The following EPB41L3 variants were observed in gnomAD, a reference collection of about 807,000 sequenced individuals.
EPB41L3 encodes erythrocyte membrane protein band 4.1 like 3.
Under a neutral mutation model 127.1 loss-of-function variants are expected in EPB41L3, and 57 were observed. The observed-to-expected ratio is 0.45, with a 90% CI of 0.36 to 0.56. The LOEUF (loss-of-function observed/expected upper bound fraction) is 0.56, where lower values mean the gene tolerates loss of function less well. Ranked by LOEUF, EPB41L3 falls within the 20% of genes least tolerant of loss-of-function variation. EPB41L3 has a pLI of 0.00. For synonymous variants in EPB41L3, 572 were observed against 549.5 expected (o/e 1.04, Z -0.57); for missense variants, 1,273 against 1,372.2 (o/e 0.93, Z 1.14).
In EPB41L3 at chr18:5,396,744, A is replaced by G. The variant is rs536147726; in HGVS notation, c.2841+314T>C. Among the ~76,000 whole-genome samples the G allele has an allele frequency of 2.6e-5, 4 of 152,324 alleles. No individual in the cohort carries two copies. In the South Asian group the frequency reaches 8.3e-4, roughly 32 times the overall value. Reference sequence around the variant, plus strand: ...TGCACTGATAAGAAATAAATGTATCACATTTTCTAATATCTTGGCCAACTT... The same window carrying G: ...TGCACTGATAAGAAATAAATGTATCGCATTTTCTAATATCTTGGCCAACTT... On this transcript the variant is annotated intron_variant, in intron 18 of 22. Transcript: ENST00000341928.
intron 11 of EPB41L3, 121 bp from the exon 12 acceptor site, chr18:5,419,998 C>T (rs2077272076): frequency 1.3e-6 from 2 of 1,535,266 alleles, no homozygotes; most frequent in African/African-American, 1.4e-5. Context: ...ATGAACAATA[C>T]CAACTATATC....
chr18:5,441,567 G>C (rs866563951), intron 5 of EPB41L3, among the ~76,000 whole-genome samples: 1 of 150,774 alleles, frequency 6.6e-6, no homozygotes, highest in Non-Finnish European at 1.5e-5. Context: ...CCGGGTTCAC[G>C]CCATTCTCCT....
intron 1 of EPB41L3, among the ~76,000 whole-genome samples, chr18:5,495,966 C>T (rs1254469716): frequency 3.9e-5 from 6 of 152,182 alleles, no homozygotes; most frequent in South Asian, 2.1e-4. Context: ...GGCAGGCAGC[C>T]GCCAGCCCTG....
At chr18:5,451,915 T>G (rs2146638331) in intron 3 of EPB41L3, among the ~76,000 whole-genome samples, 1 of 152,304 alleles carries the variant, frequency 6.6e-6, no homozygotes, top group Non-Finnish European at 1.5e-5. Context: ...CTCGGCTCAC[T>G]GCAACCTCTG....
At chr18:5,621,121 G>T (rs1378405447) in intron 1 of EPB41L3, among the ~76,000 whole-genome samples, 2 of 152,172 alleles carry the variant, frequency 1.3e-5, no homozygotes. Flanking sequence ...CAGTCCTAGT[G>T]ACTCTCTGCT....
upstream of EPB41L3, among the ~76,000 whole-genome samples, chr18:5,548,441 A>G (rs2093916603): frequency 6.6e-6 from 1 of 152,226 alleles, no homozygotes; most frequent in Non-Finnish European, 1.5e-5. Flanking sequence ...ATGTATGAAA[A>G]GTATACATAA....
chr18:5,407,274 G>T (rs779047504), intron 15 of EPB41L3: 14 of 406,032 alleles, frequency 3.4e-5, no homozygotes, highest in Non-Finnish European at 4.8e-5. Flanking sequence ...CACAGGAAAA[G>T]GGATCTATAT....
At chr18:5,590,729 A>G (rs184972045) in intron 3 of EPB41L3, among the ~76,000 whole-genome samples, 25 of 152,362 alleles carry the variant, frequency 1.6e-4, no homozygotes, top group Non-Finnish European at 2.6e-4. Flanking sequence ...AGCAATAAAA[A>G]GAAACATAAT....
intron 3 of EPB41L3, among the ~76,000 whole-genome samples, chr18:5,568,432 A>AT (rs1192801006): frequency 6.6e-6 from 1 of 150,606 alleles, no homozygotes; most frequent in Non-Finnish European, 1.5e-5. Context: ...GATAGTAAAA[A>AT]AAAAAAAAAA....
chr18:5,430,615 C>T (rs1159179159), intron 8 of EPB41L3, among the ~76,000 whole-genome samples: 2 of 149,736 alleles, frequency 1.3e-5, no homozygotes, highest in Non-Finnish European at 3.0e-5. Flanking sequence ...CAGGATGGAG[C>T]GCAGTGGTGC....
Position 5,625,944 on chromosome 18 carries a change from C to CT in EPB41L3, c.-468+2977dup, listed in dbSNP as rs199642476. Among the ~76,000 whole-genome samples the CT allele has an allele frequency of 3.4e-3, 492 of 144,140 alleles. 2 individuals carry two copies. Among genetic ancestry groups the CT allele is most frequent in the South Asian group, 5.3e-3 (24 of 4,510 alleles). The allele number at this position is 144,140 out of a possible 152,430, so 94.6% of individuals were successfully genotyped here. A position where few individuals can be genotyped will look rare whatever the true frequency, so the allele number is the denominator to read the frequency against. On this transcript the variant is annotated intron_variant, in intron 1 of 21. Coordinates refer to the EPB41L3 transcript ENST00000545076. ...AGTCCCCAATGTAAGTTCTACCATG[C>CT]TTTTTTTTTTTTGTCCATTCATGTC... is the stretch of plus-strand genomic sequence containing the variant.
At chr18:5,411,929 C>T (rs1389966228) in intron 13 of EPB41L3, among the ~76,000 whole-genome samples, 1 of 152,174 alleles carries the variant, frequency 6.6e-6, no homozygotes, top group Non-Finnish European at 1.5e-5. Flanking sequence ...GCTACCAAGT[C>T]TAAGTGGAAA....
chr18:5,520,881 T>C (rs1164455459), intron 1 of EPB41L3, among the ~76,000 whole-genome samples: 1 of 152,198 alleles, frequency 6.6e-6, no homozygotes, highest in South Asian at 2.1e-4. Context: ...CCTTTAAGAA[T>C]GCATAATTTG....
Position 5,488,983 on chromosome 18 carries a change from T to C in EPB41L3, c.183+18A>G. The C allele has an allele frequency of 6.4e-7, 1 of 1,567,110 alleles. No individual in the cohort carries two copies. Among genetic ancestry groups the C allele is most frequent in the Non-Finnish European group, 8.6e-7 (1 of 1,168,530 alleles). On this transcript the variant is annotated intron_variant, in intron 2 of 22. Transcript: ENST00000341928. ...GCTCAGCAAACACTGCGTCATTAGT[T>C]TTCTGGCCTGGGCTCACCTCCCTCC...
At chr18:5,502,869 G>A (rs183538805) in intron 1 of EPB41L3, among the ~76,000 whole-genome samples, 2 of 152,338 alleles carry the variant, frequency 1.3e-5, no homozygotes, top group East Asian at 3.9e-4. Flanking sequence ...TTCTTTTGGA[G>A]GGAAGAGGTG....
intron 15 of EPB41L3, 122 bp from the exon 16 acceptor site, chr18:5,407,090 A>G (rs539498258): frequency 4.8e-6 from 4 of 833,204 alleles, no homozygotes; most frequent in African/African-American, 1.7e-5. Context: ...CAAAATTTTG[A>G]TCAAGGCTCA....
At chr18:5,604,868 C>CA (rs1251286863) in intron 3 of EPB41L3, among the ~76,000 whole-genome samples, 1 of 152,126 alleles carries the variant, frequency 6.6e-6, no homozygotes, top group Non-Finnish European at 1.5e-5. Context: ...GCTAATTTCA[C>CA]AAAAAAGTTA....
chr18:5,445,879 A>C (rs1412950143), intron 3 of EPB41L3, among the ~76,000 whole-genome samples: 2 of 152,178 alleles, frequency 1.3e-5, no homozygotes, highest in African/African-American at 4.8e-5. Flanking sequence ...CCTTATGAGA[A>C]TCTAATGCCT....
chr18:5,575,798 T>C (rs985620101), intron 3 of EPB41L3, among the ~76,000 whole-genome samples: 1 of 152,108 alleles, frequency 6.6e-6, no homozygotes, highest in Non-Finnish European at 1.5e-5. Context: ...CATGGTGCCA[T>C]TGCACTGCAG....
Sources: allele counts gnomAD v4.1 joint callset (sites outside exome capture counted in the v4.1 genomes callset), GRCh38; gene constraint gnomAD v4.1.1; transcripts MANE v1.5; gene names NCBI Gene and HGNC (gene_info 2026-07-23, HGNC 2026-07-21).